SGCZ: variants seen among roughly 807,000 people sequenced by gnomAD.
The protein encoded by SGCZ is zeta-sarcoglycan.
Under a neutral mutation model 41.3 loss-of-function variants are expected in SGCZ, and 40 were observed. The observed-to-expected ratio is 0.97, with a 90% confidence interval of 0.75 to 1.26. The LOEUF (loss-of-function observed/expected upper bound fraction) is 1.26. Among genes scored for constraint, SGCZ ranks in the 50% most tolerant of loss-of-function variants. SGCZ has a pLI of 0.00. For synonymous variants in SGCZ, 206 were observed against 137.5 expected (o/e 1.50, Z -3.49); for missense variants, 552 against 369.8 (o/e 1.49, Z -4.04).
At chr8:14,647,521 C>T (rs1400278672) in intron 1 of SGCZ, among the ~76,000 whole-genome samples, 1 of 151,350 alleles carries the variant, frequency 6.6e-6, no homozygotes, top group African/African-American at 2.4e-5. Context: ...AAGTCACCTT[C>T]TCCCTTTCTC....
intron 1 of SGCZ, among the ~76,000 whole-genome samples, chr8:14,738,783 A>G (rs1799120130): frequency 6.6e-6 from 1 of 151,844 alleles, no homozygotes; most frequent in Admixed American, 6.6e-5. Flanking sequence ...CCTACTAACT[A>G]TGCCGTTGAT....
intron 1 of SGCZ, among the ~76,000 whole-genome samples, chr8:14,999,490 G>C (rs557640393): frequency 4.7e-4 from 71 of 152,190 alleles, no homozygotes; most frequent in Non-Finnish European, 8.2e-4. Context: ...GCTAAATCAA[G>C]GATAACCAAA....
intron 2 of SGCZ, among the ~76,000 whole-genome samples, chr8:14,368,060 T>A (rs1304958079): frequency 6.6e-6 from 1 of 152,056 alleles, no homozygotes; most frequent in Non-Finnish European, 1.5e-5. Context: ...GTCAAGGTAT[T>A]TAAATTTTTG....
chr8:14,988,269 A>AT (rs1801894341), intron 1 of SGCZ, among the ~76,000 whole-genome samples: 1 of 151,810 alleles, frequency 6.6e-6, no homozygotes, highest in African/African-American at 2.4e-5. Context: ...CTTCTAAAAA[A>AT]ACTCTGAAAA....
At chr8:14,413,340 A>C (rs1244288732) in intron 2 of SGCZ, among the ~76,000 whole-genome samples, 2 of 138,026 alleles carry the variant, frequency 1.4e-5, no homozygotes, top group Non-Finnish European at 3.1e-5. Context: ...TACCTCAATG[A>C]TATCCTTACT....
intron 1 of SGCZ, among the ~76,000 whole-genome samples, chr8:15,016,449 CT>C (rs1803036629): frequency 6.6e-6 from 1 of 152,190 alleles, no homozygotes; most frequent in Admixed American, 6.5e-5. Flanking sequence ...GTAGCATAAT[CT>C]CTTGGCAGGA....
At chr8:14,811,443 CA>C (rs1485860518) in intron 1 of SGCZ, among the ~76,000 whole-genome samples, 2 of 135,510 alleles carry the variant, frequency 1.5e-5, no homozygotes, top group East Asian at 4.8e-4. Context: ...AAAACAAAAA[CA>C]AAAACAACCT....
At chr8:14,115,992 G>A in intron 5 of SGCZ, among the ~76,000 whole-genome samples, 1 of 151,996 alleles carries the variant, frequency 6.6e-6, no homozygotes, top group East Asian at 1.9e-4. Flanking sequence ...AATGCACAGC[G>A]CTAGAGATTC....
At chr8:14,249,492 T>C (rs7839024) in intron 3 of SGCZ, among the ~76,000 whole-genome samples, 4,533 of 152,204 alleles carry the variant, frequency 0.03, 228 homozygotes, top group African/African-American at 0.1. Context: ...TAAAGGAACA[T>C]GGTAAAAACA....
At chr8:15,220,980 A>T (rs1231570971) in intron 1 of SGCZ, among the ~76,000 whole-genome samples, 1 of 152,108 alleles carries the variant, frequency 6.6e-6, no homozygotes, top group Non-Finnish European at 1.5e-5. Flanking sequence ...ACTTGGACAC[A>T]GGATGGGGAA....
intron 2 of SGCZ, among the ~76,000 whole-genome samples, chr8:14,490,707 C>T (rs1801817792): frequency 6.6e-6 from 1 of 152,178 alleles, no homozygotes; most frequent in Non-Finnish European, 1.5e-5. Flanking sequence ...ATGTTTGACA[C>T]TGATGTACAT....
At chr8:14,867,693 CA>C (rs1167292228) in intron 1 of SGCZ, among the ~76,000 whole-genome samples, 2 of 152,028 alleles carry the variant, frequency 1.3e-5, no homozygotes, top group African/African-American at 4.8e-5. Flanking sequence ...CACATGTTCT[CA>C]CGTATAAGTG....
At chr8:14,994,649 G>A (rs1427217251) in intron 1 of SGCZ, among the ~76,000 whole-genome samples, 4 of 151,086 alleles carry the variant, frequency 2.6e-5, no homozygotes, top group African/African-American at 9.8e-5. Flanking sequence ...GTAGATTAGG[G>A]GCGTGTGTGT....
At position 14,955,298 on chromosome 8, in the gene SGCZ, G is replaced by T. The variant is rs768663004; in HGVS notation, c.39+282287C>A. Among the ~76,000 whole-genome samples, 22 of 152,156 alleles carry T rather than the reference G, an allele frequency of 1.4e-4. No homozygotes were observed. In the Middle Eastern group the frequency reaches 0.014, roughly 94 times the overall value. ...TGTGTAGCTATACTGTTTTTCTTTT[G>T]TGTTATGTTAGTCCATTGTATAAGC... On this transcript the variant is annotated intron_variant, in intron 1 of 7. Coordinates refer to ENST00000382080, the MANE Select transcript of SGCZ (RefSeq NM_139167.4).
At chr8:14,645,478 T>TTATATATATATATATATTTATATA (rs1046258520) in intron 1 of SGCZ, among the ~76,000 whole-genome samples, 2 of 106,590 alleles carry the variant, frequency 1.9e-5, no homozygotes, top group African/African-American at 5.9e-5. Flanking sequence ...ATATATATAT[T>TTATATATATATATATATTTATATA]TATATGTATA....
chr8:14,888,107 A>G (rs1804878006), intron 1 of SGCZ, among the ~76,000 whole-genome samples: 1 of 152,200 alleles, frequency 6.6e-6, no homozygotes, highest in South Asian at 2.1e-4. Flanking sequence ...AAGATGTAAT[A>G]AAATAAAAAA....
intron 5 of SGCZ, among the ~76,000 whole-genome samples, chr8:14,115,702 A>AACC (rs1213794417): frequency 1.3e-5 from 2 of 151,870 alleles, no homozygotes; most frequent in East Asian, 3.9e-4. Context: ...TTTCCTTGAT[A>AACC]ACCTCTATCA....
rs945119878 is a variant in SGCZ, at chr8:15,157,476, T to A, written c.39+80109A>T. Among the ~76,000 whole-genome samples, 25 of 148,448 alleles carry A rather than the reference T, an allele frequency of 1.7e-4. 1 individual carries two copies. The highest frequency in any genetic ancestry group is 5.9e-4 in the African/African-American group (23 of 39,148). ...TTTTCATTTTTTACAAAGAAAAAAA[T>A]AAAAAGAACAACAACAATGACAACA... On this transcript the variant is annotated intron_variant, in intron 1 of 7. Transcript: ENST00000382080.
At chr8:14,730,848 C>G (rs1199980564) in intron 1 of SGCZ, among the ~76,000 whole-genome samples, 1 of 151,784 alleles carries the variant, frequency 6.6e-6, no homozygotes, top group Admixed American at 6.6e-5. Flanking sequence ...TAGCATCTCA[C>G]ACCAGTTAGA....
Sources: allele counts gnomAD v4.1 joint callset (sites outside exome capture counted in the v4.1 genomes callset), GRCh38; gene constraint gnomAD v4.1.1; transcripts MANE v1.5; gene names NCBI Gene and HGNC (gene_info 2026-07-23, HGNC 2026-07-21).